The following IMMP2L variants were observed in gnomAD, a reference collection of about 807,000 sequenced individuals.
IMMP2L encodes the protein inner mitochondrial membrane peptidase subunit 2.
In IMMP2L, 18 loss-of-function variants were observed where a neutral mutation model predicts 19.3. That is an observed-to-expected ratio of 0.93 (90% CI 0.64 to 1.38). The LOEUF (loss-of-function observed/expected upper bound fraction) is 1.38, where lower values mean the gene tolerates loss of function less well. IMMP2L is among the 40% of genes most tolerant of loss of function. IMMP2L has a pLI of 0.00. For synonymous variants in IMMP2L, 76 were observed against 73.0 expected (o/e 1.04, Z -0.21); for missense variants, 233 against 218.2 (o/e 1.07, Z -0.43).
At chr7:111,307,859 T>C (rs201746447) in intron 3 of IMMP2L, among the ~76,000 whole-genome samples, 1 of 151,762 alleles carries the variant, frequency 6.6e-6, no homozygotes, top group African/African-American at 2.4e-5. Flanking sequence ...AATCCAGTAA[T>C]AATAAAAATA....
intron 2 of IMMP2L, among the ~76,000 whole-genome samples, chr7:111,490,407 C>T (rs1463349767): frequency 6.6e-6 from 1 of 151,690 alleles, no homozygotes. Context: ...TAGGAGCCAC[C>T]ATGCCCAGCC....
chr7:111,277,703 A>G (rs1819249082), intron 3 of IMMP2L, among the ~76,000 whole-genome samples: 1 of 152,160 alleles, frequency 6.6e-6, no homozygotes, highest in Non-Finnish European at 1.5e-5. Context: ...AAATAGAACT[A>G]CTATTCCATC....
intron 5 of IMMP2L, among the ~76,000 whole-genome samples, chr7:110,795,129 C>T (rs148867260): frequency 0.011 from 1,676 of 152,168 alleles, 18 homozygotes; most frequent in Non-Finnish European, 0.016. Context: ...GTGGCTGGAA[C>T]ATGTTGAAGA....
intron 3 of IMMP2L, among the ~76,000 whole-genome samples, chr7:111,295,301 T>C (rs1438928459): frequency 6.6e-6 from 1 of 151,910 alleles, no homozygotes; most frequent in Non-Finnish European, 1.5e-5. Flanking sequence ...TGCAGTATCA[T>C]GATAAACAAG....
At chr7:110,719,161 CCAGA>C (rs1239924678) in intron 5 of IMMP2L, among the ~76,000 whole-genome samples, 2 of 152,066 alleles carry the variant, frequency 1.3e-5, no homozygotes, top group African/African-American at 4.8e-5. Context: ...AGATCTGAAT[CCAGA>C]CAAACACTGG....
At chr7:110,705,214 G>C (rs578226231) in intron 5 of IMMP2L, among the ~76,000 whole-genome samples, 3 of 152,050 alleles carry the variant, frequency 2.0e-5, no homozygotes, top group Non-Finnish European at 4.4e-5. Context: ...ATAATCAAGA[G>C]TTGGCTAAAA....
intron 3 of IMMP2L, among the ~76,000 whole-genome samples, chr7:111,180,213 T>C (rs1346177014): frequency 6.6e-6 from 1 of 152,072 alleles, no homozygotes; most frequent in Admixed American, 6.6e-5. Context: ...TCTCAATTTT[T>C]TACATGCTTT....
chr7:111,119,797 C>G (rs955248454), intron 3 of IMMP2L, among the ~76,000 whole-genome samples: 1 of 151,882 alleles, frequency 6.6e-6, no homozygotes, highest in Non-Finnish European at 1.5e-5. Flanking sequence ...GCCTCACGCT[C>G]TCAAGGAGGT....
At chr7:111,308,001 T>G (rs1259144292) in intron 3 of IMMP2L, among the ~76,000 whole-genome samples, 2 of 151,952 alleles carry the variant, frequency 1.3e-5, no homozygotes, top group East Asian at 1.9e-4. Context: ...AGATATAGAT[T>G]GAGATTTTCA....
At chr7:111,243,560 C>T (rs563046748) in intron 3 of IMMP2L, among the ~76,000 whole-genome samples, 73 of 140,666 alleles carry the variant, frequency 5.2e-4, no homozygotes, top group Non-Finnish European at 1.0e-3. Flanking sequence ...TACATGTGCA[C>T]ATTGTGCAGG....
chr7:111,053,588 A>T (rs986892315), intron 3 of IMMP2L, among the ~76,000 whole-genome samples: 3 of 152,176 alleles, frequency 2.0e-5, no homozygotes, highest in Non-Finnish European at 2.9e-5. Context: ...ACAGGGTGAC[A>T]ATTGCCTGAC....
intron 2 of IMMP2L, among the ~76,000 whole-genome samples, chr7:111,498,235 T>C (rs774253672): frequency 5.9e-5 from 9 of 152,294 alleles, no homozygotes; most frequent in Non-Finnish European, 1.2e-4. Flanking sequence ...AATACGTGCA[T>C]TGTGTTTCCT....
At chr7:111,291,669 C>A (rs1001162198) in intron 3 of IMMP2L, among the ~76,000 whole-genome samples, 11 of 151,960 alleles carry the variant, frequency 7.2e-5, no homozygotes, top group Admixed American at 7.2e-4. Context: ...AGGGAATAAG[C>A]CTTAGTGATC....
intron 5 of IMMP2L, among the ~76,000 whole-genome samples, chr7:110,834,102 G>A (rs1804212854): frequency 6.6e-6 from 1 of 152,070 alleles, no homozygotes; most frequent in Non-Finnish European, 1.5e-5. Context: ...AATTTCATTG[G>A]TTGTTCTAAG....
chr7:111,383,397 T>A (rs1255144618), intron 3 of IMMP2L, among the ~76,000 whole-genome samples: 1 of 152,124 alleles, frequency 6.6e-6, no homozygotes, highest in Non-Finnish European at 1.5e-5. Flanking sequence ...TTATTTTGTG[T>A]GATTAAAAAG....
chr7:111,304,380 A>G (rs1158528133), intron 3 of IMMP2L, among the ~76,000 whole-genome samples: 3 of 152,034 alleles, frequency 2.0e-5, no homozygotes, highest in Non-Finnish European at 4.4e-5. Flanking sequence ...AGGTGGAGAA[A>G]GGGGACAATA....
At chr7:111,281,156 CAGAAAGAAA>C (rs1819708733) in intron 3 of IMMP2L, among the ~76,000 whole-genome samples, 1 of 67,814 alleles carries the variant, frequency 1.5e-5, no homozygotes, top group Admixed American at 1.8e-4. Context: ...GACAGAAAGA[CAGAAAGAAA>C]GAAAGAAAGA....
intron 3 of IMMP2L, among the ~76,000 whole-genome samples, chr7:111,251,341 C>T (rs1400240261): frequency 6.6e-6 from 1 of 152,080 alleles, no homozygotes; most frequent in Non-Finnish European, 1.5e-5. Flanking sequence ...GTGGCAATTC[C>T]TCAAAGACCT....
intron 3 of IMMP2L, among the ~76,000 whole-genome samples, chr7:111,464,391 G>A (rs576593852): frequency 6.6e-6 from 1 of 152,292 alleles, no homozygotes; most frequent in Admixed American, 6.5e-5. Flanking sequence ...GCTAAGGCAG[G>A]AGGATTACTT....
Sources: gnomAD v4.1 joint callset for allele counts (sites outside exome capture counted in the v4.1 genomes callset) on GRCh38, gnomAD v4.1.1 for gene constraint, MANE v1.5 for transcripts, NCBI Gene and HGNC (gene_info 2026-07-23, HGNC 2026-07-21) for gene names.